ULK4: variants seen among roughly 807,000 people sequenced by gnomAD.
ULK4 encodes the protein inactive serine/threonine-protein kinase ULK4.
A neutral mutation model predicts 160.6 loss-of-function variants in ULK4; 133 were observed. The ratio of observed to expected loss-of-function variants is 0.83; its 90% CI spans 0.72 to 0.96. ULK4 has a LOEUF of 0.96. Among genes scored for constraint, ULK4 ranks in the 40% least tolerant of loss-of-function variants. The pLI, the probability that ULK4 is intolerant of heterozygous loss-of-function variation, is 0.00. For synonymous variants in ULK4, 534 were observed against 539.8 expected (o/e 0.99, Z 0.15); for missense variants, 1,580 against 1,499.5 (o/e 1.05, Z -0.89).
At chr3:41,698,995 T>G (rs190181185) in intron 27 of ULK4, among the ~76,000 whole-genome samples, 1 of 152,254 alleles carries the variant, frequency 6.6e-6, no homozygotes, top group Non-Finnish European at 1.5e-5. Context: ...GGAAGAGCTT[T>G]CCATCATTTG....
intron 30 of ULK4, among the ~76,000 whole-genome samples, chr3:41,649,538 G>A (rs765071131): frequency 3.3e-5 from 5 of 152,286 alleles, no homozygotes; most frequent in Non-Finnish European, 7.4e-5. Context: ...CACCTCCTCC[G>A]GTTGTGGCCG....
At chr3:41,739,896 A>G (rs541906184) in intron 22 of ULK4, among the ~76,000 whole-genome samples, 2 of 151,904 alleles carry the variant, frequency 1.3e-5, no homozygotes, top group African/African-American at 2.4e-5. Context: ...ATATCTATTC[A>G]TATCATTATG....
intron 35 of ULK4, among the ~76,000 whole-genome samples, chr3:41,379,535 T>G (rs931907652): frequency 6.6e-6 from 1 of 152,192 alleles, no homozygotes; most frequent in Non-Finnish European, 1.5e-5. Context: ...AATAACAATT[T>G]CATGGCCATC....
At chr3:41,565,955 T>C (rs1179040703) in intron 32 of ULK4, 70 bp downstream of exon 32, 2 of 1,203,866 alleles carry the variant, frequency 1.7e-6, no homozygotes, top group East Asian at 2.4e-5. Context: ...ACTTCTAGAC[T>C]CCACGCTATA....
intron 32 of ULK4, among the ~76,000 whole-genome samples, chr3:41,485,948 T>A (rs1230328822): frequency 1.3e-5 from 2 of 152,178 alleles, no homozygotes; most frequent in Non-Finnish European, 2.9e-5. Context: ...CAAAATAACA[T>A]AATATTCATT....
intron 22 of ULK4, among the ~76,000 whole-genome samples, chr3:41,722,544 T>C (rs1278081649): frequency 3.3e-5 from 5 of 151,990 alleles, no homozygotes; most frequent in African/African-American, 1.2e-4. Context: ...GGCAGGAGAA[T>C]CTCTTGAACC....
chr3:41,338,009 CAG>C (rs1187717438), intron 35 of ULK4, among the ~76,000 whole-genome samples: 4 of 152,218 alleles, frequency 2.6e-5, no homozygotes, highest in Non-Finnish European at 5.9e-5. Flanking sequence ...CTCTCAAAAG[CAG>C]AGAGTTTTCT....
chr3:41,713,434 T>C (rs147904312), intron 25 of ULK4, among the ~76,000 whole-genome samples: 1 of 152,294 alleles, frequency 6.6e-6, no homozygotes, highest in African/African-American at 2.4e-5. Flanking sequence ...ATCAGTGCCA[T>C]TAACACTGAG....
intron 32 of ULK4, among the ~76,000 whole-genome samples, chr3:41,476,454 C>T (rs574844288): frequency 6.6e-6 from 1 of 152,222 alleles, no homozygotes; most frequent in East Asian, 1.9e-4. Flanking sequence ...AAGGATATTG[C>T]CAAGGCTGTG....
At chr3:41,650,388 C>T (rs1275968404) in intron 30 of ULK4, among the ~76,000 whole-genome samples, 2 of 152,338 alleles carry the variant, frequency 1.3e-5, no homozygotes, top group East Asian at 3.9e-4. Flanking sequence ...CTAGGGGCTT[C>T]CTGAGCCAGG....
intron 35 of ULK4, among the ~76,000 whole-genome samples, chr3:41,293,230 A>G (rs79336614): frequency 1.3e-3 from 196 of 152,326 alleles, no homozygotes; most frequent in Non-Finnish European, 2.4e-3. Context: ...GATTCACAGA[A>G]AAACAATGAT....
chr3:41,709,448 A>C (rs1405220900), intron 25 of ULK4, among the ~76,000 whole-genome samples: 1 of 152,136 alleles, frequency 6.6e-6, no homozygotes, highest in Non-Finnish European at 1.5e-5. Context: ...GTGCACTGGC[A>C]TGATCTCGGT....
At chr3:41,513,958 T>C (rs576854278) in intron 32 of ULK4, among the ~76,000 whole-genome samples, 4 of 152,220 alleles carry the variant, frequency 2.6e-5, no homozygotes, top group Admixed American at 6.5e-5. Flanking sequence ...TAAAAATCTA[T>C]TGAAATAAAA....
intron 19 of ULK4, among the ~76,000 whole-genome samples, chr3:41,812,632 A>G (rs1454426676): frequency 6.6e-6 from 1 of 152,164 alleles, no homozygotes; most frequent in Non-Finnish European, 1.5e-5. Context: ...CGGGGGCTCC[A>G]CTTGGTGGTG....
chr3:41,574,511 A>ACTACTGCT (rs1173265450), intron 31 of ULK4, among the ~76,000 whole-genome samples: 1 of 133,058 alleles, frequency 7.5e-6, no homozygotes, highest in African/African-American at 2.8e-5. Flanking sequence ...CTTCACCTCC[A>ACTACTGCT]CTACTGCTAC....
chr3:41,532,920 C>T lies in ULK4; in HGVS notation c.3226+33105G>A, dbSNP rs922845930. Among the ~76,000 whole-genome samples the T allele has an allele frequency of 4.6e-5, 7 of 152,206 alleles. No individual in the cohort carries two copies. The East Asian group carries it at 9.6e-4, about 21-fold the overall frequency. On this transcript the variant is annotated intron_variant, in intron 32 of 36. Transcript: ENST00000301831. ...AGAGCTAGAGTCTCTTTCTCCACCC[C>T]TTGAACCAATATGGCTTAGTGATTC...
intron 22 of ULK4, among the ~76,000 whole-genome samples, chr3:41,749,050 TATG>T (rs1338005887): frequency 2.0e-5 from 3 of 152,240 alleles, no homozygotes; most frequent in Non-Finnish European, 4.4e-5. Context: ...CTTGCGATTT[TATG>T]ATATGTTAGT....
At chr3:41,313,384 C>T (rs1425352353) in intron 35 of ULK4, among the ~76,000 whole-genome samples, 1 of 152,202 alleles carries the variant, frequency 6.6e-6, no homozygotes, top group Non-Finnish European at 1.5e-5. Context: ...TTAGTGCTTA[C>T]TAAATGTTAG....
intron 32 of ULK4, among the ~76,000 whole-genome samples, chr3:41,558,007 G>A (rs188897050): frequency 3.8e-4 from 58 of 152,150 alleles, no homozygotes; most frequent in Non-Finnish European, 7.4e-4. Flanking sequence ...AATCTCACAT[G>A]CTCTTGTGGA....
Sources: allele counts gnomAD v4.1 joint callset (sites outside exome capture counted in the v4.1 genomes callset), GRCh38; gene constraint gnomAD v4.1.1; transcripts MANE v1.5; gene names NCBI Gene and HGNC (gene_info 2026-07-23, HGNC 2026-07-21).